WDR59: variants seen among roughly 807,000 people sequenced by gnomAD.
WDR59 encodes the protein WD repeat domain 59.
Under a neutral mutation model 131.2 loss-of-function variants are expected in WDR59, and 100 were observed. That is an observed-to-expected ratio of 0.76 (90% CI 0.65 to 0.90). WDR59 has a LOEUF of 0.90. Ranked by LOEUF, WDR59 falls within the 40% of genes least tolerant of loss-of-function variation. The pLI, the probability that WDR59 is intolerant of heterozygous loss-of-function variation, is 0.00. For synonymous variants in WDR59, 601 were observed against 466.2 expected, an observed-to-expected ratio of 1.29 and a Z score of -3.72; for missense variants, 1,203 against 1,262.2, an observed-to-expected ratio of 0.95 and a Z score of 0.71.
intron 22 of WDR59, among the ~76,000 whole-genome samples, 160 bp from the exon 23 acceptor site, chr16:74,887,915 C>G (rs9929698): frequency 1.3e-5 from 2 of 152,014 alleles, no homozygotes; most frequent in South Asian, 4.1e-4. Flanking sequence ...GTCAGGGGTT[C>G]GAGACCAGCC....
At chr16:74,935,330 T>C (rs2031715888) in intron 8 of WDR59, among the ~76,000 whole-genome samples, 1 of 151,698 alleles carries the variant, frequency 6.6e-6, no homozygotes, top group Non-Finnish European at 1.5e-5. Flanking sequence ...TAACCCAAGA[T>C]CAGGGAAAAA....
intron 10 of WDR59, among the ~76,000 whole-genome samples, chr16:74,919,495 G>A (rs2029953849): frequency 7.7e-6 from 1 of 130,282 alleles, no homozygotes; most frequent in South Asian, 2.3e-4. Context: ...ACCACACCTG[G>A]CTAATTTTTT....
Position 74,888,338 on chromosome 16 carries a change from G to GAAAGAAAAC in WDR59, c.2196-28_2196-20dup. The GAAAGAAAAC allele has an allele frequency of 6.2e-7, 1 of 1,607,018 alleles. No homozygotes were observed. Among genetic ancestry groups the GAAAGAAAAC allele is most frequent in the Non-Finnish European group, 8.5e-7 (1 of 1,176,600 alleles). On this transcript the variant is annotated intron_variant, in intron 21 of 25. Transcript: ENST00000262144. ...AGCCAACCTGAGGAAAAGATAAGAG[G>GAAAGAAAAC]AAAGAAAACAAGTCAGGAGGAGGGA...
chr16:74,981,634 ATATATATATATATATATATATATATATT>A (rs2034415831), intron 1 of WDR59, among the ~76,000 whole-genome samples: 1 of 10,846 alleles, frequency 9.2e-5, no homozygotes, highest in Non-Finnish European at 2.1e-4. Flanking sequence ...ATATATATAT[ATATATATATATATATATATATATATATT>A]TTTTTTTTTT....
intron 25 of WDR59, among the ~76,000 whole-genome samples, chr16:74,881,865 T>TC (rs1206800111): frequency 1.7e-5 from 2 of 120,294 alleles, no homozygotes; most frequent in Non-Finnish European, 3.3e-5. Context: ...AGAGCAAGAC[T>TC]CCGTCTCAAA....
At chr16:74,900,286 A>T (rs868701995) in intron 18 of WDR59, among the ~76,000 whole-genome samples, 11 of 152,268 alleles carry the variant, frequency 7.2e-5, no homozygotes, top group Middle Eastern at 3.4e-3. Context: ...CTGCAGGACT[A>T]TCTTCAGAGT....
chr16:74,959,911 G>C (rs1035623783), intron 2 of WDR59, among the ~76,000 whole-genome samples: 1 of 150,460 alleles, frequency 6.6e-6, no homozygotes, highest in Non-Finnish European at 1.5e-5. Context: ...AAAAAATCTT[G>C]GAACCAATAT....
intron 14 of WDR59, 181 bp downstream of exon 14, chr16:74,912,017 C>G: frequency 5.3e-6 from 4 of 756,966 alleles, no homozygotes; most frequent in Non-Finnish European, 8.3e-6. Flanking sequence ...TTAAGAACCA[C>G]TGCTCTGATG....
intron 25 of WDR59, among the ~76,000 whole-genome samples, chr16:74,878,838 A>G (rs1238181094): frequency 6.6e-6 from 1 of 152,230 alleles, no homozygotes; most frequent in Non-Finnish European, 1.5e-5. Flanking sequence ...TCTGCTCCAT[A>G]GGATATTGTT....
chr16:74,887,328 T>C (rs1964815252), intron 23 of WDR59, among the ~76,000 whole-genome samples: 2 of 152,128 alleles, frequency 1.3e-5, no homozygotes, highest in African/African-American at 4.8e-5. Flanking sequence ...CCAGCTGTAT[T>C]TGTCTACACT....
chr16:74,877,101 T>A (rs994299230), intron 25 of WDR59, among the ~76,000 whole-genome samples: 2 of 152,044 alleles, frequency 1.3e-5, no homozygotes, highest in Non-Finnish European at 2.9e-5. Flanking sequence ...TTCTATTAGT[T>A]CATCAAGGGA....
intron 22 of WDR59, 30 bp downstream of exon 22, chr16:74,888,135 AAAAT>A: frequency 1.9e-6 from 3 of 1,549,562 alleles, no homozygotes; most frequent in Admixed American, 2.2e-5. Flanking sequence ...AAAAAAAAAA[AAAAT>A]CAGACAAAAC....
intron 1 of WDR59, among the ~76,000 whole-genome samples, chr16:74,983,764 C>G (rs964925095): frequency 6.6e-6 from 1 of 151,924 alleles, no homozygotes; most frequent in African/African-American, 2.4e-5. Flanking sequence ...TCGCTTGAGC[C>G]CAGGAGTTCC....
chr16:74,917,355 T>C (rs2144975464), intron 11 of WDR59, among the ~76,000 whole-genome samples: 1 of 152,296 alleles, frequency 6.6e-6, no homozygotes, highest in East Asian at 1.9e-4. Context: ...GGGCACATAC[T>C]CAGGGAGCTA....
At chr16:74,889,226 C>A (rs975979158) in intron 21 of WDR59, among the ~76,000 whole-genome samples, 1 of 152,190 alleles carries the variant, frequency 6.6e-6, no homozygotes, top group South Asian at 2.1e-4. Flanking sequence ...GTATAGTATA[C>A]CCTAGTTTTC....
rs756619877 is a variant in WDR59 at position 74,874,295 on chromosome 16, T to C, written c.2839A>G (p.Thr947Ala). The C allele has an allele frequency of 3.1e-6, 5 of 1,612,956 alleles. No individual in the cohort carries two copies. In the South Asian group the frequency reaches 3.3e-5, roughly 11 times the overall value. ...CGAAACCACTCCATCATGTGGCTGG[T>C]GTGGCCACCGTGCCCACAGGTCAGG... ...FCLTCGHGGHTSHMMEWFRTQ... is the reference protein window; with the variant it reads ...FCLTCGHGGHASHMMEWFRTQ... The change falls in exon 26 of 26, where the codon ACC becomes GCC. Residue 947 changes from threonine (T) to alanine (A), a missense_variant. By Grantham distance (58) the Thr-to-Ala change is moderately conservative. Transcript: ENST00000262144.
At chr16:74,891,307 G>T (rs1319608685) in intron 20 of WDR59, among the ~76,000 whole-genome samples, 1 of 152,044 alleles carries the variant, frequency 6.6e-6, no homozygotes, top group African/African-American at 2.4e-5. Context: ...TGAGAAACAG[G>T]TCGAGAAGCA....
intron 8 of WDR59, among the ~76,000 whole-genome samples, chr16:74,926,808 A>G (rs943486270): frequency 1.3e-5 from 2 of 152,238 alleles, no homozygotes; most frequent in African/African-American, 4.8e-5. Flanking sequence ...CTGGAGTTTC[A>G]TAACCTTCTG....
At chr16:74,910,785 G>GT (rs113936439) in intron 14 of WDR59, among the ~76,000 whole-genome samples, 4 of 152,128 alleles carry the variant, frequency 2.6e-5, no homozygotes, top group Admixed American at 2.0e-4. Context: ...TTTTTCCTTT[G>GT]TTTTTTTGAG....
Sources: allele counts gnomAD v4.1 joint callset (sites outside exome capture counted in the v4.1 genomes callset), GRCh38; gene constraint gnomAD v4.1.1; transcripts MANE v1.5; gene names NCBI Gene and HGNC (gene_info 2026-07-23, HGNC 2026-07-21).